The following GRIN2B variants were observed in gnomAD, a reference collection of about 807,000 sequenced individuals.
GRIN2B encodes glutamate ionotropic receptor NMDA type subunit 2B, also known as glutamate receptor ionotropic, NMDA 2B.
GRIN2B carries 5 observed loss-of-function variants against 114.5 expected under a neutral mutation model. That is an observed-to-expected ratio of 0.04 (90% CI 0.02 to 0.09). The LOEUF is 0.09. GRIN2B is among the 10% of genes least tolerant of loss of function. GRIN2B has a pLI of 1.00. For missense variants in GRIN2B, 1,108 were observed against 1,943.5 expected (o/e 0.57, Z 8.08); for synonymous variants, 787 against 745.1 (o/e 1.06, Z -0.92).
At chr12:13,703,894 C>T (rs1950334682) in intron 4 of GRIN2B, among the ~76,000 whole-genome samples, 2 of 152,148 alleles carry the variant, frequency 1.3e-5, no homozygotes, top group Non-Finnish European at 2.9e-5. Context: ...CTCACAATGA[C>T]ATGCAGATTC....
intron 2 of GRIN2B, among the ~76,000 whole-genome samples, chr12:13,950,643 G>A (rs554099812): frequency 1.5e-3 from 223 of 152,208 alleles, no homozygotes; most frequent in African/African-American, 5.3e-3. Context: ...AATGAACAAT[G>A]AAGAAATAAA....
rs778021171 is a variant in GRIN2B, at chr12:13,692,484, T to C, written c.1011-16625A>G. ...GTGGGGCCCCTGTCTGTGTGGAGTT[T>C]GCACATTTTCCCCACATCTGTGTGG... is the stretch of plus-strand genomic sequence containing the variant. On this transcript the variant is annotated intron_variant, in intron 4 of 13. Transcript: ENST00000609686. 3.3e-5 allele frequency among the ~76,000 whole-genome samples: 5 copies of C among 152,146 alleles called. No individual in the cohort carries two copies. The East Asian group carries it at 7.7e-4, about 24-fold the overall frequency.
chr12:13,951,995 T>G (rs1591638105), intron 2 of GRIN2B, among the ~76,000 whole-genome samples: 2 of 152,266 alleles, frequency 1.3e-5, no homozygotes, highest in African/African-American at 4.8e-5. Flanking sequence ...TAAGCACAAT[T>G]GATATATCAA....
At chr12:13,601,624 G>A (rs1412630012) in intron 10 of GRIN2B, among the ~76,000 whole-genome samples, 1 of 151,972 alleles carries the variant, frequency 6.6e-6, no homozygotes, top group Non-Finnish European at 1.5e-5. Context: ...GCCCCAACAA[G>A]GTAGTAGAGC....
intron 5 of GRIN2B, among the ~76,000 whole-genome samples, chr12:13,642,270 C>T (rs16909305): frequency 6.6e-6 from 1 of 152,076 alleles, no homozygotes; most frequent in Non-Finnish European, 1.5e-5. Flanking sequence ...AAAACCCCAA[C>T]TCATTATTTT....
intron 6 of GRIN2B, 49 bp downstream of exon 6, chr12:13,616,406 C>G: frequency 7.2e-7 from 1 of 1,393,588 alleles, no homozygotes; most frequent in Non-Finnish European, 1.0e-6. Context: ...ACAGGTGCAT[C>G]AAAGCTGACT....
At chr12:13,803,355 A>G (rs1035845798) in intron 3 of GRIN2B, among the ~76,000 whole-genome samples, 1 of 152,082 alleles carries the variant, frequency 6.6e-6, no homozygotes, top group African/African-American at 2.4e-5. Context: ...AACAGAAAAT[A>G]AAGTGCCTGT....
intron 5 of GRIN2B, among the ~76,000 whole-genome samples, chr12:13,644,801 T>A (rs1193074346): frequency 6.6e-6 from 1 of 152,204 alleles, no homozygotes; most frequent in East Asian, 1.9e-4. Flanking sequence ...TTAAACCTCA[T>A]GAAGTAACCT....
At chr12:13,686,820 G>A (rs965131431) in intron 4 of GRIN2B, among the ~76,000 whole-genome samples, 5 of 152,106 alleles carry the variant, frequency 3.3e-5, no homozygotes, top group South Asian at 2.1e-4. Flanking sequence ...AAGCAAGGAT[G>A]TGTGTCCCCT....
chr12:13,675,709 C>G (rs960098016), intron 5 of GRIN2B, 36 bp downstream of exon 5: 2 of 1,266,042 alleles, frequency 1.6e-6, no homozygotes, highest in Non-Finnish European at 2.3e-6. Context: ...CATTTCTACT[C>G]TACTTTGCTC....
intron 2 of GRIN2B, among the ~76,000 whole-genome samples, chr12:13,946,634 G>A (rs191643326): frequency 2.6e-3 from 402 of 152,070 alleles, no homozygotes; most frequent in Non-Finnish European, 4.0e-3. Context: ...TTTCTGGATT[G>A]AGATAGTGTT....
chr12:13,813,503 G>A (rs1010797082), intron 3 of GRIN2B, among the ~76,000 whole-genome samples: 5 of 152,158 alleles, frequency 3.3e-5, no homozygotes, highest in African/African-American at 4.8e-5. Context: ...CAAAAGCAGT[G>A]CAGGAACATC....
intron 2 of GRIN2B, among the ~76,000 whole-genome samples, chr12:13,876,472 A>G (rs896399625): frequency 6.6e-6 from 1 of 152,188 alleles, no homozygotes; most frequent in Non-Finnish European, 1.5e-5. Context: ...TGGCTTTAGC[A>G]CAATTTCTAC....
At chr12:13,931,745 A>G (rs1201914338) in intron 2 of GRIN2B, among the ~76,000 whole-genome samples, 2 of 152,202 alleles carry the variant, frequency 1.3e-5, no homozygotes, top group East Asian at 3.8e-4. Context: ...GTTAATACCA[A>G]CACCATTTAT....
At chr12:13,831,786 T>G (rs188191628) in intron 3 of GRIN2B, among the ~76,000 whole-genome samples, 6 of 152,326 alleles carry the variant, frequency 3.9e-5, no homozygotes, top group Non-Finnish European at 1.5e-5. Context: ...TTATAAACAC[T>G]GTGTGCTGAC....
At position 13,618,118 on chromosome 12, in the gene GRIN2B, T is replaced by C. The variant is rs139128623; in HGVS notation, c.1126-1461A>G. Among the ~76,000 whole-genome samples, 1,064 of 152,348 alleles carry C rather than the reference T, an allele frequency of 7.0e-3. 6 individuals are homozygous for C. The highest frequency in any genetic ancestry group is 0.024 in the Middle Eastern group (7 of 294). On this transcript the variant is annotated intron_variant, in intron 5 of 13. Coordinates refer to ENST00000609686, the MANE Select transcript of GRIN2B (RefSeq NM_000834.5). Reference sequence around the variant, plus strand: ...GGCTTCTCTGAACTGTTGATCCTGATTTTAGAACAAGTCCGTTTTTTCTCA... The same window carrying C: ...GGCTTCTCTGAACTGTTGATCCTGACTTTAGAACAAGTCCGTTTTTTCTCA...
rs149454454 is a variant in GRIN2B, at chr12:13,663,892, A to T, written c.1125+11853T>A. Among the ~76,000 whole-genome samples the T allele has an allele frequency of 2.8e-3, 424 of 152,306 alleles. 3 individuals are homozygous for T. In the Middle Eastern group the frequency reaches 0.031, roughly 11 times the overall value. ...CAAGTAAAATGATAGTGAACACGAG[A>T]GTAGCACTTGCTACATGTCAGATAT... On this transcript the variant is annotated intron_variant, in intron 5 of 13. Transcript: ENST00000609686.
chr12:13,766,312 T>C (rs979907559), intron 3 of GRIN2B, among the ~76,000 whole-genome samples: 1 of 152,242 alleles, frequency 6.6e-6, no homozygotes, highest in African/African-American at 2.4e-5. Context: ...ATCCTAAGAA[T>C]GGTGAGAAGA....
chr12:13,787,929 G>A (rs2136661592), intron 3 of GRIN2B, among the ~76,000 whole-genome samples: 1 of 152,308 alleles, frequency 6.6e-6, no homozygotes, highest in Middle Eastern at 3.4e-3. Context: ...CCCCAGACCA[G>A]CCTGCAAATA....
Sources: allele counts gnomAD v4.1 joint callset (sites outside exome capture counted in the v4.1 genomes callset), GRCh38; gene constraint gnomAD v4.1.1; transcripts MANE v1.5; gene names NCBI Gene and HGNC (gene_info 2026-07-23, HGNC 2026-07-21).